CACNA1A: variants seen among roughly 807,000 people sequenced by gnomAD.
CACNA1A encodes the protein calcium voltage-gated channel subunit alpha1 A, also known as voltage-dependent P/Q-type calcium channel subunit alpha-1A.
In CACNA1A, 57 loss-of-function variants were observed where a neutral mutation model predicts 262.4. The observed-to-expected ratio is 0.22, with a 90% CI of 0.18 to 0.27. The LOEUF (loss-of-function observed/expected upper bound fraction) is 0.27, where lower values mean the gene tolerates loss of function less well. CACNA1A is among the 10% of genes least tolerant of loss of function. The pLI, the probability that CACNA1A is intolerant of heterozygous loss-of-function variation, is 1.00. For synonymous variants in CACNA1A, 1,431 were observed against 1,419.3 expected, an observed-to-expected ratio of 1.01 and a Z score of -0.18; for missense variants, 2,526 against 3,562.8, an observed-to-expected ratio of 0.71 and a Z score of 7.41.
intron 3 of CACNA1A, among the ~76,000 whole-genome samples, chr19:13,402,052 T>C (rs1461855068): frequency 6.6e-6 from 1 of 152,256 alleles, no homozygotes; most frequent in East Asian, 1.9e-4. Flanking sequence ...TATTGGTTAT[T>C]GCAGCTGGTG....
chr19:13,395,873 A>G (rs1182946410), intron 3 of CACNA1A, among the ~76,000 whole-genome samples: 1 of 151,964 alleles, frequency 6.6e-6, no homozygotes, highest in East Asian at 1.9e-4. Context: ...TACCCGGAAG[A>G]AATGCATGCT....
rs780908964 is a variant in CACNA1A at position 13,294,487 on chromosome 19, C to CTTTTTTTTTTTTTTTT, written c.3089+4041_3089+4056dup. Reference sequence around the variant, plus strand: ...TACAGGTGCATACCACTGTACCTGGCTTTTTTTTTTTTTTTTTTTTTTTGA... The same window carrying CTTTTTTTTTTTTTTTT: ...TACAGGTGCATACCACTGTACCTGGCTTTTTTTTTTTTTTTTTTTTTTTTTTTTTTTTTTTTTTTGA... On this transcript the variant is annotated intron_variant, in intron 19 of 46. Coordinates refer to ENST00000360228, the MANE Select transcript of CACNA1A (RefSeq NM_001127222.2). 2.2e-3 allele frequency among the ~76,000 whole-genome samples: 161 copies of CTTTTTTTTTTTTTTTT among 72,524 alleles called. 25 individuals carry two copies. The highest frequency in any genetic ancestry group is 9.4e-3 in the African/African-American group (144 of 15,308). The allele number at this position is 72,524 out of a possible 152,430, so 47.6% of individuals were successfully genotyped here.
At chr19:13,454,059 G>A (rs989690769) in intron 2 of CACNA1A, among the ~76,000 whole-genome samples, 2 of 151,800 alleles carry the variant, frequency 1.3e-5, no homozygotes, top group Non-Finnish European at 2.9e-5. Context: ...TGCAGGCTAA[G>A]GATTGACTGA....
intron 6 of CACNA1A, among the ~76,000 whole-genome samples, chr19:13,336,867 C>A (rs2058586551): frequency 6.6e-6 from 1 of 152,168 alleles, no homozygotes; most frequent in Admixed American, 6.5e-5. Context: ...CCACCTGGCC[C>A]CAGAGTCCAT....
intron 1 of CACNA1A, among the ~76,000 whole-genome samples, chr19:13,502,333 T>G (rs7256450): frequency 6.6e-6 from 1 of 152,022 alleles, no homozygotes; most frequent in Admixed American, 6.6e-5. Flanking sequence ...GATAATACAC[T>G]GACCTGCTTC....
chr19:13,426,954 A>C (rs528159897), intron 3 of CACNA1A, among the ~76,000 whole-genome samples: 8 of 152,354 alleles, frequency 5.3e-5, no homozygotes, highest in Admixed American at 1.3e-4. Flanking sequence ...TTTGTCTAAA[A>C]ATGCCTGACA....
chr19:13,278,561 C>CACA (rs2057206845), intron 22 of CACNA1A, among the ~76,000 whole-genome samples: 1 of 152,148 alleles, frequency 6.6e-6, no homozygotes, highest in African/African-American at 2.4e-5. Flanking sequence ...CCCACCACAC[C>CACA]CCCGGCCACT....
chr19:13,364,651 ATT>A (rs58240158), intron 5 of CACNA1A: 18,221 of 151,874 alleles, frequency 0.12, 2,079 homozygotes, highest in African/African-American at 0.29. Flanking sequence ...TTATTTATTT[ATT>A]TATTTGAGAT....
At chr19:13,378,778 G>A (rs1433274257) in intron 3 of CACNA1A, among the ~76,000 whole-genome samples, 3 of 150,730 alleles carry the variant, frequency 2.0e-5, no homozygotes, top group Admixed American at 1.3e-4. Flanking sequence ...AGCAATTCTC[G>A]TGCCTCAGCC....
At chr19:13,353,032 C>G (rs543914412) in intron 6 of CACNA1A, among the ~76,000 whole-genome samples, 12 of 152,284 alleles carry the variant, frequency 7.9e-5, no homozygotes, top group East Asian at 5.8e-4. Flanking sequence ...CTTGGCCTCC[C>G]AAAGTGCTGG....
At chr19:13,425,039 C>T (rs2060378546) in intron 3 of CACNA1A, among the ~76,000 whole-genome samples, 1 of 152,082 alleles carries the variant, frequency 6.6e-6, no homozygotes, top group Non-Finnish European at 1.5e-5. Context: ...CTCCTGACCT[C>T]ATGATCCGCC....
At chr19:13,485,271 A>T (rs933340224) in intron 1 of CACNA1A, among the ~76,000 whole-genome samples, 2 of 152,224 alleles carry the variant, frequency 1.3e-5, no homozygotes, top group Admixed American at 1.3e-4. Context: ...AGTGAACACA[A>T]CTGTAAAACT....
intron 3 of CACNA1A, among the ~76,000 whole-genome samples, chr19:13,437,635 G>C (rs932638228): frequency 2.1e-5 from 3 of 142,284 alleles, no homozygotes; most frequent in Non-Finnish European, 3.0e-5. Context: ...AAGTTGCAGT[G>C]AGCCAAGATC....
At chr19:13,417,105 C>T (rs932982658) in intron 3 of CACNA1A, among the ~76,000 whole-genome samples, 13 of 152,174 alleles carry the variant, frequency 8.5e-5, no homozygotes, top group Admixed American at 4.6e-4. Context: ...CCGTCACCCT[C>T]TCCCCAAGGG....
chr19:13,473,297 G>A (rs1399602772), intron 1 of CACNA1A, among the ~76,000 whole-genome samples: 1 of 151,596 alleles, frequency 6.6e-6, no homozygotes, highest in African/African-American at 2.4e-5. Flanking sequence ...AGAAGACACT[G>A]ACATGAAGGA....
chr19:13,311,506 T>C (rs2058032678), intron 12 of CACNA1A, among the ~76,000 whole-genome samples: 1 of 152,256 alleles, frequency 6.6e-6, no homozygotes, highest in Non-Finnish European at 1.5e-5. Context: ...CATAATTTTC[T>C]ATAATGGCAG....
In CACNA1A at chr19:13,305,974, C is replaced by T. The variant is rs141052621; in HGVS notation, c.1986+1808G>A. 3.8e-3 allele frequency among the ~76,000 whole-genome samples: 581 copies of T among 151,736 alleles called. 2 individuals are homozygous for T. Among genetic ancestry groups the T allele is most frequent in the Non-Finnish European group, 6.3e-3 (430 of 67,954 alleles). On this transcript the variant is annotated intron_variant, in intron 15 of 46. Transcript: ENST00000360228. Reference sequence around the variant, plus strand: ...ACTCGGGAGGCTGAGGCAGGAGAATCGCTTGAACCCAGGAGGCAGAGGTTG... The same window carrying T: ...ACTCGGGAGGCTGAGGCAGGAGAATTGCTTGAACCCAGGAGGCAGAGGTTG...
At chr19:13,306,375 T>C (rs1204998385) in intron 15 of CACNA1A, among the ~76,000 whole-genome samples, 1 of 152,122 alleles carries the variant, frequency 6.6e-6, no homozygotes, top group African/African-American at 2.4e-5. Flanking sequence ...AGCCATTTTT[T>C]TTCTCTGCCT....
intron 1 of CACNA1A, among the ~76,000 whole-genome samples, chr19:13,488,394 T>C (rs1284669773): frequency 8.2e-6 from 1 of 121,956 alleles, no homozygotes. Context: ...TCTTTTCTTT[T>C]TTTTTTTTTT....
Sources: gnomAD v4.1 joint callset for allele counts (sites outside exome capture counted in the v4.1 genomes callset) on GRCh38, gnomAD v4.1.1 for gene constraint, MANE v1.5 for transcripts, NCBI Gene and HGNC (gene_info 2026-07-23, HGNC 2026-07-21) for gene names.